Variants in PLCE1 observed in about 807,000 individuals in gnomAD.
The protein encoded by PLCE1 is phospholipase C epsilon 1.
A neutral mutation model predicts 242.8 loss-of-function variants in PLCE1; 119 were observed. The observed-to-expected ratio is 0.49, with a 90% confidence interval of 0.42 to 0.57. The LOEUF is 0.57. Among genes scored for constraint, PLCE1 ranks in the 20% least tolerant of loss-of-function variants. The pLI, the probability that PLCE1 is intolerant of heterozygous loss-of-function variation, is 0.00. For missense variants in PLCE1, 2,441 were observed against 2,788.8 expected (o/e 0.88, Z 2.81); for synonymous variants, 945 against 1,017.4 (o/e 0.93, Z 1.35).
At chr10:93,996,529 A>C (rs2060827142) in intron 1 of PLCE1, among the ~76,000 whole-genome samples, 1 of 152,150 alleles carries the variant, frequency 6.6e-6, no homozygotes, top group Admixed American at 6.5e-5. Flanking sequence ...AGGAGTAGGG[A>C]ATGGAGAAAG....
At chr10:94,088,697 G>A (rs753909293) in intron 2 of PLCE1, among the ~76,000 whole-genome samples, 3 of 152,206 alleles carry the variant, frequency 2.0e-5, no homozygotes, top group Non-Finnish European at 4.4e-5. Flanking sequence ...CTGGATGGCT[G>A]CCTTCTATTA....
At chr10:94,082,260 T>C (rs1261777353) in intron 2 of PLCE1, 1 of 152,146 alleles carries the variant, frequency 6.6e-6, no homozygotes, top group Non-Finnish European at 1.5e-5. Context: ...AGAAATAATA[T>C]GGTAAAACAG....
At chr10:94,168,431 A>C (rs1358404580) in intron 3 of PLCE1, among the ~76,000 whole-genome samples, 1 of 152,176 alleles carries the variant, frequency 6.6e-6, no homozygotes, top group Non-Finnish European at 1.5e-5. Flanking sequence ...ACCTACATGA[A>C]AGGTTGACAT....
chr10:94,135,173 G>T (rs2046729920), intron 3 of PLCE1, among the ~76,000 whole-genome samples: 1 of 152,156 alleles, frequency 6.6e-6, no homozygotes, highest in African/African-American at 2.4e-5. Flanking sequence ...GCATATGTTA[G>T]TTAGCTCAGT....
intron 1 of PLCE1, among the ~76,000 whole-genome samples, chr10:93,998,463 G>A (rs922959691): frequency 2.6e-5 from 4 of 152,130 alleles, no homozygotes; most frequent in African/African-American, 9.7e-5. Context: ...ATAGAGCCTG[G>A]ACACTCTATT....
intron 2 of PLCE1, among the ~76,000 whole-genome samples, chr10:94,046,523 A>G (rs2061887577): frequency 1.3e-5 from 2 of 152,322 alleles, no homozygotes; most frequent in African/African-American, 2.4e-5. Context: ...TCAAAGAGAC[A>G]ATGACCTTTC....
chr10:94,228,303 A>G (rs934770114), intron 5 of PLCE1, among the ~76,000 whole-genome samples: 6 of 152,206 alleles, frequency 3.9e-5, no homozygotes, highest in Non-Finnish European at 8.8e-5. Flanking sequence ...TTAAGTTAGA[A>G]TCAAATTAGG....
At chr10:94,077,766 C>CA (rs985357098) in intron 2 of PLCE1, among the ~76,000 whole-genome samples, 5 of 151,174 alleles carry the variant, frequency 3.3e-5, no homozygotes, top group Non-Finnish European at 5.9e-5. Flanking sequence ...GACACTGTTT[C>CA]AAAAAAACAA....
intron 8 of PLCE1, among the ~76,000 whole-genome samples, chr10:94,248,431 C>T (rs2050762971): frequency 2.6e-5 from 4 of 151,968 alleles, no homozygotes; most frequent in South Asian, 2.1e-4. Context: ...CAAAATCCCG[C>T]CTCTACTAAA....
chr10:94,182,862 C>T (rs913646682), intron 4 of PLCE1, among the ~76,000 whole-genome samples: 1 of 152,212 alleles, frequency 6.6e-6, no homozygotes, highest in African/African-American at 2.4e-5. Context: ...TATCAGTTAA[C>T]ACCTCTGTCC....
chr10:94,158,696 T>C (rs1281923286), intron 3 of PLCE1, among the ~76,000 whole-genome samples: 4 of 152,034 alleles, frequency 2.6e-5, no homozygotes, highest in East Asian at 3.8e-4. Flanking sequence ...AAAAGTGCAC[T>C]ATAGAGTTTT....
intron 2 of PLCE1, among the ~76,000 whole-genome samples, chr10:94,054,872 C>T (rs867738338): frequency 1.1e-4 from 16 of 151,884 alleles, no homozygotes; most frequent in African/African-American, 2.2e-4. Flanking sequence ...ATTAGCTGGA[C>T]GTGGTGGTGG....
intron 3 of PLCE1, among the ~76,000 whole-genome samples, chr10:94,150,882 C>T (rs1418464646): frequency 6.6e-6 from 1 of 152,168 alleles, no homozygotes; most frequent in Non-Finnish European, 1.5e-5. Context: ...AGGCCTGCAG[C>T]CCTGATTTGC....
rs555013984 is a variant in PLCE1, at chr10:94,058,032, C to G, written c.1206+25780C>G. On this transcript the variant is annotated intron_variant, in intron 2 of 32. Transcript: ENST00000371380. ...AGTGAACTAGATTAATTTTAAGAAC[C>G]TTCTAGGTATAATATTTTCAGTTTG... 1.3e-3 allele frequency among the ~76,000 whole-genome samples: 197 copies of G among 152,238 alleles called. 1 individual carries two copies. The highest frequency in any genetic ancestry group is 4.0e-3 in the African/African-American group (165 of 41,538).
intron 8 of PLCE1, among the ~76,000 whole-genome samples, chr10:94,248,074 A>G (rs2050748519): frequency 6.6e-6 from 1 of 152,252 alleles, no homozygotes; most frequent in Non-Finnish European, 1.5e-5. Flanking sequence ...TACTTGTCAC[A>G]GTTCTAATAC....
intron 14 of PLCE1, 128 bp downstream of exon 14, chr10:94,262,860 T>TG: frequency 2.5e-6 from 2 of 803,036 alleles, no homozygotes; most frequent in African/African-American, 1.9e-5. Flanking sequence ...TATACAGTTT[T>TG]GTTTTTTTTT....
intron 4 of PLCE1, among the ~76,000 whole-genome samples, chr10:94,174,778 G>T (rs138718843): frequency 6.6e-6 from 1 of 152,314 alleles, no homozygotes; most frequent in Non-Finnish European, 1.5e-5. Context: ...TTGAGGAACT[G>T]TTAAAGGCTA....
intron 1 of PLCE1, among the ~76,000 whole-genome samples, chr10:94,027,727 A>T (rs965882246): frequency 6.6e-6 from 1 of 152,214 alleles, no homozygotes; most frequent in Non-Finnish European, 1.5e-5. Context: ...AGGCTGAGGC[A>T]GGAGAATCGC....
chr10:94,148,004 G>A (rs2047165352), intron 3 of PLCE1, among the ~76,000 whole-genome samples: 1 of 152,152 alleles, frequency 6.6e-6, no homozygotes, highest in Admixed American at 6.5e-5. Context: ...TGGTGATTAA[G>A]AATGTGGAGT....
Sources: allele counts gnomAD v4.1 joint callset (sites outside exome capture counted in the v4.1 genomes callset), GRCh38; gene constraint gnomAD v4.1.1; transcripts MANE v1.5; gene names NCBI Gene and HGNC (gene_info 2026-07-23, HGNC 2026-07-21).